RSRC1: variants seen among roughly 807,000 people sequenced by gnomAD.
RSRC1 encodes the protein serine/Arginine-related protein 53.
RSRC1 carries 39 observed loss-of-function variants against 49.1 expected under a neutral mutation model. The observed-to-expected ratio is 0.79, with a 90% CI of 0.61 to 1.04. The LOEUF (loss-of-function observed/expected upper bound fraction) is 1.04. Ranked by LOEUF, RSRC1 falls within the 50% of genes least tolerant of loss-of-function variation. RSRC1 has a pLI of 0.00. For missense variants in RSRC1, 388 were observed against 402.4 expected (o/e 0.96, Z 0.31); for synonymous variants, 143 against 130.8 (o/e 1.09, Z -0.63).
chr3:158,150,674 G>C (rs766910397), intron 3 of RSRC1, among the ~76,000 whole-genome samples: 7 of 152,148 alleles, frequency 4.6e-5, no homozygotes, highest in Non-Finnish European at 7.3e-5. Flanking sequence ...TTGGTAGTTG[G>C]AGTGGGAAAG....
At chr3:158,527,279 C>G (rs771680606) in intron 7 of RSRC1, among the ~76,000 whole-genome samples, 84 of 151,822 alleles carry the variant, frequency 5.5e-4, no homozygotes, top group Middle Eastern at 3.4e-3. Flanking sequence ...TACATGTACC[C>G]TTTCTCTAGC....
rs559197538 is a variant in RSRC1 at position 158,394,533 on chromosome 3, A to G, written c.583+39625A>G. Among the ~76,000 whole-genome samples, 52 of 152,222 alleles carry G rather than the reference A, an allele frequency of 3.4e-4. No individual in the cohort carries two copies. The East Asian group carries it at 8.7e-3, about 25-fold the overall frequency. ...TCAATGTACAAAAATCAGCATTTCT[A>G]TACACTAACAACATTCCAGCTGAGA... On this transcript the variant is annotated intron_variant, in intron 6 of 9. Coordinates refer to ENST00000611884, the MANE Select transcript of RSRC1 (RefSeq NM_001271838.2).
chr3:158,124,227 G>C (rs1354800496), intron 3 of RSRC1, among the ~76,000 whole-genome samples: 1 of 152,138 alleles, frequency 6.6e-6, no homozygotes, highest in Non-Finnish European at 1.5e-5. Flanking sequence ...CTATTGGCCG[G>C]GGTGTACGTG....
In RSRC1 at chr3:158,135,617, T is replaced by C. The variant is rs1716324406; in HGVS notation, c.320+11626T>C. Among the ~76,000 whole-genome samples, 3 of 151,966 alleles carry C rather than the reference T, an allele frequency of 2.0e-5. 1 individual carries two copies. In the South Asian group the frequency reaches 6.2e-4, roughly 32 times the overall value. Reference sequence around the variant, plus strand: ...TTTTAATGTTTTTTTTTTCTGGAGTTTTCCCTCCAATTTTTTTCTTCACAT... The same window carrying C: ...TTTTAATGTTTTTTTTTTCTGGAGTCTTCCCTCCAATTTTTTTCTTCACAT... On this transcript the variant is annotated intron_variant, in intron 3 of 9. Coordinates refer to ENST00000611884, the MANE Select transcript of RSRC1 (RefSeq NM_001271838.2).
chr3:158,181,641 G>A (rs957831006), intron 3 of RSRC1, among the ~76,000 whole-genome samples: 1 of 152,152 alleles, frequency 6.6e-6, no homozygotes, highest in East Asian at 1.9e-4. Flanking sequence ...ATACCTTATA[G>A]TGTTATTGTA....
chr3:158,214,477 A>G (rs558620790), intron 4 of RSRC1, among the ~76,000 whole-genome samples: 2 of 150,450 alleles, frequency 1.3e-5, no homozygotes, highest in South Asian at 4.2e-4. Context: ...CTTTGAGTTT[A>G]TTTGTACATG....
In RSRC1 at chr3:158,545,313, TGCCTCA is replaced by T. The variant is rs1452202070; in HGVS notation, c.*1044_*1049del. On this transcript the variant is annotated 3_prime_UTR_variant, in exon 10 of 10. Coordinates refer to ENST00000611884, the MANE Select transcript of RSRC1 (RefSeq NM_001271838.2). ...GCCTCCCAGGTTCACGCCATTTTCT[TGCCTCA>T]GCCTCCCGAGTAGCTGGGACTACAG... 2 of 150,842 alleles carry T rather than the reference TGCCTCA, an allele frequency of 1.3e-5. No homozygotes were observed. Among genetic ancestry groups the T allele is most frequent in the Non-Finnish European group, 2.9e-5 (2 of 67,860 alleles). The allele number at this position is 150,842 out of a possible 1,614,324, so 9.3% of individuals were successfully genotyped here. A position where few individuals can be genotyped will look rare whatever the true frequency, so the allele number is the denominator to read the frequency against.
At chr3:158,246,344 A>G (rs1449292111) in intron 4 of RSRC1, among the ~76,000 whole-genome samples, 1 of 151,926 alleles carries the variant, frequency 6.6e-6, no homozygotes, top group Non-Finnish European at 1.5e-5. Flanking sequence ...ACATGTATAC[A>G]TATGTAACAA....
At chr3:158,489,138 AG>A (rs1303652393) in intron 7 of RSRC1, among the ~76,000 whole-genome samples, 1 of 152,238 alleles carries the variant, frequency 6.6e-6, no homozygotes, top group Admixed American at 6.5e-5. Context: ...AGTTGGAAAT[AG>A]TTTTGTTATC....
At chr3:158,506,349 A>G (rs1739860013) in intron 7 of RSRC1, among the ~76,000 whole-genome samples, 1 of 152,152 alleles carries the variant, frequency 6.6e-6, no homozygotes, top group African/African-American at 2.4e-5. Context: ...AGATGGGAGT[A>G]TGTGTCACAT....
chr3:158,345,828 TATA>T (rs1374639829), intron 5 of RSRC1, among the ~76,000 whole-genome samples: 4 of 148,360 alleles, frequency 2.7e-5, no homozygotes, highest in South Asian at 2.1e-4. Flanking sequence ...ATGCATTATA[TATA>T]ATAATAAACA....
chr3:158,180,029 C>T (rs1237477757), intron 3 of RSRC1, among the ~76,000 whole-genome samples: 1 of 152,142 alleles, frequency 6.6e-6, no homozygotes, highest in Non-Finnish European at 1.5e-5. Context: ...TGTATATCCT[C>T]TTTGGTGAAA....
At chr3:158,111,411 T>C (rs776473463) in intron 1 of RSRC1, among the ~76,000 whole-genome samples, 1 of 152,258 alleles carries the variant, frequency 6.6e-6, no homozygotes, top group Non-Finnish European at 1.5e-5. Context: ...AGGGGTGTTA[T>C]GAATTGGAAA....
At chr3:158,462,344 G>A (rs1182056446) in intron 7 of RSRC1, among the ~76,000 whole-genome samples, 3 of 151,850 alleles carry the variant, frequency 2.0e-5, no homozygotes, top group Non-Finnish European at 4.4e-5. Flanking sequence ...TAATTTTTAA[G>A]TACTGCTATG....
chr3:158,449,885 A>G (rs1736924630), intron 6 of RSRC1, among the ~76,000 whole-genome samples: 2 of 151,944 alleles, frequency 1.3e-5, no homozygotes, highest in South Asian at 2.1e-4. Flanking sequence ...ATATGGAAAC[A>G]TACCTCCTGG....
chr3:158,214,767 T>C (rs1349351993), intron 4 of RSRC1, among the ~76,000 whole-genome samples: 1 of 151,886 alleles, frequency 6.6e-6, no homozygotes, highest in Admixed American at 6.6e-5. Context: ...CTAGCTTCAT[T>C]TCATTATGAC....
chr3:158,431,088 T>C (rs1429212208), intron 6 of RSRC1, among the ~76,000 whole-genome samples: 1 of 151,926 alleles, frequency 6.6e-6, no homozygotes, highest in African/African-American at 2.4e-5. Context: ...CACAAAACCC[T>C]TTTAGCACCT....
chr3:158,132,637 C>T (rs1716112931), intron 3 of RSRC1, among the ~76,000 whole-genome samples: 1 of 152,182 alleles, frequency 6.6e-6, no homozygotes, highest in African/African-American at 2.4e-5. Flanking sequence ...TCCCTATTCA[C>T]ATAACATCTA....
chr3:158,204,613 T>C (rs1721248945), intron 4 of RSRC1, among the ~76,000 whole-genome samples: 1 of 152,140 alleles, frequency 6.6e-6, no homozygotes, highest in African/African-American at 2.4e-5. Context: ...GGATGATAAA[T>C]TCGAAGGGAG....
Sources: allele counts gnomAD v4.1 joint callset (sites outside exome capture counted in the v4.1 genomes callset), GRCh38; gene constraint gnomAD v4.1.1; transcripts MANE v1.5; gene names NCBI Gene and HGNC (gene_info 2026-07-23, HGNC 2026-07-21).